Variants in BIN3 observed in about 807,000 individuals in gnomAD.
BIN3 encodes the protein bridging integrator 3.
Under a neutral mutation model 38.2 loss-of-function variants are expected in BIN3, and 41 were observed. The ratio of observed to expected loss-of-function variants is 1.07; its 90% CI spans 0.84 to 1.39. The LOEUF is 1.39. BIN3 is among the 40% of genes most tolerant of loss of function. BIN3 has a pLI of 0.00. For synonymous variants in BIN3, 145 were observed against 122.6 expected (o/e 1.18, Z -1.21); for missense variants, 361 against 324.3 (o/e 1.11, Z -0.87).
chr8:22,640,074 C>T (rs1192521472), intron 2 of BIN3, among the ~76,000 whole-genome samples: 2 of 151,910 alleles, frequency 1.3e-5, no homozygotes, highest in East Asian at 3.9e-4. Context: ...GTTGGTCAGG[C>T]TGGCCTCGAA....
intron 1 of BIN3, 102 bp downstream of exon 1, chr8:22,668,942 G>A: frequency 1.4e-6 from 2 of 1,477,670 alleles, no homozygotes; most frequent in South Asian, 1.2e-5. Flanking sequence ...GGGCGGAGGG[G>A]TCGCGCGGGA....
chr8:22,667,473 T>C (rs1803457852), intron 1 of BIN3, among the ~76,000 whole-genome samples: 1 of 152,206 alleles, frequency 6.6e-6, no homozygotes, highest in African/African-American at 2.4e-5. Context: ...TGCCTCATTT[T>C]CACTTTGAAA....
At position 22,621,525 on chromosome 8, in the gene BIN3, G is replaced by C; in HGVS notation, c.659C>G (p.Ser220Cys). 6.2e-7 allele frequency: 1 copy of C among 1,613,904 alleles called. No homozygotes were observed. The highest frequency in any genetic ancestry group is 8.5e-7 in the Non-Finnish European group (1 of 1,179,884). ...GTGGCCTGGCTGGTCAAGCTGATGG[G>C]ACAGGTCTCCAAAGATCTTGTGCAT... ...SEMHKIFGDL[S>C]HQLDQPGHSD... Residue 220 changes from serine (S) to cysteine (C), a missense_variant, in exon 9 of 9, where the codon TCC becomes TGC. Ser to Cys is a moderately radical substitution (Grantham distance 112). Transcript: ENST00000276416.
intron 2 of BIN3, among the ~76,000 whole-genome samples, chr8:22,643,558 G>A (rs1407186650): frequency 1.3e-5 from 2 of 152,212 alleles, no homozygotes; most frequent in Non-Finnish European, 2.9e-5. Flanking sequence ...ATGCCCCCAC[G>A]TTGGCCTTCC....
intron 4 of BIN3, among the ~76,000 whole-genome samples, chr8:22,633,005 A>G (rs898261303): frequency 3.3e-5 from 5 of 151,932 alleles, no homozygotes; most frequent in African/African-American, 1.2e-4. Context: ...CACTGCGCCC[A>G]GCCCAGCTGC....
chr8:22,662,193 G>C (rs1407367090), intron 1 of BIN3, among the ~76,000 whole-genome samples: 1 of 152,212 alleles, frequency 6.6e-6, no homozygotes, highest in African/African-American at 2.4e-5. Flanking sequence ...CCTGGCATGT[G>C]TCCCCTGCTG....
chr8:22,620,474 G>C lies in BIN3; in HGVS notation c.*948C>G, dbSNP rs575607726. On this transcript the variant is annotated 3_prime_UTR_variant, in exon 9 of 9. Transcript: ENST00000276416. ...AATAAACCAAAGTCAAAAACAAACT[G>C]AGAGTGTGTCCTCCACAGCTCTTCC... The C allele has an allele frequency of 5.7e-5, 7 of 122,876 alleles. No individual in the cohort carries two copies. The highest frequency in any genetic ancestry group is 1.2e-4 in the Non-Finnish European group (7 of 60,098). 7.6% of individuals were successfully genotyped at this position (122,876 alleles called of 1,614,324 possible).
At chr8:22,667,155 G>T (rs1020920236) in intron 1 of BIN3, among the ~76,000 whole-genome samples, 8 of 152,200 alleles carry the variant, frequency 5.3e-5, no homozygotes, top group African/African-American at 1.9e-4. Context: ...CCTTCTGGCT[G>T]TGACTCTCAG....
In BIN3 at chr8:22,648,136, C is replaced by CAAAA. The variant is rs55869105; in HGVS notation, c.9-3337_9-3334dup. Among the ~76,000 whole-genome samples, 92 of 102,314 alleles carry CAAAA rather than the reference C, an allele frequency of 9.0e-4. 2 individuals are homozygous for CAAAA. In the East Asian group the frequency reaches 0.015, roughly 16 times the overall value. 67.1% of individuals were successfully genotyped at this position (102,314 alleles called of 152,430 possible). On this transcript the variant is annotated intron_variant, in intron 1 of 8. Transcript: ENST00000276416. ...CGCGACAGAGTGAGACTCCGTCTCT[C>CAAAA]AAAAAAAAAAAAAAAAAAGGAAAAG... is the stretch of plus-strand genomic sequence containing the variant.
chr8:22,663,658 C>T (rs768088978), intron 1 of BIN3, among the ~76,000 whole-genome samples: 3 of 152,094 alleles, frequency 2.0e-5, no homozygotes, highest in Non-Finnish European at 4.4e-5. Context: ...TATAACGTGG[C>T]CCTGAGGTGG....
chr8:22,662,897 G>C (rs1023643468), intron 1 of BIN3, among the ~76,000 whole-genome samples: 1 of 152,202 alleles, frequency 6.6e-6, no homozygotes, highest in African/African-American at 2.4e-5. Flanking sequence ...AGCACTTTGG[G>C]AGGCCAAGAC....
At chr8:22,627,662 T>C (rs1802044960) in intron 6 of BIN3, among the ~76,000 whole-genome samples, 1 of 151,814 alleles carries the variant, frequency 6.6e-6, no homozygotes, top group Non-Finnish European at 1.5e-5. Context: ...ACCCCTCCTC[T>C]CTCCCTGCCC....
At chr8:22,658,736 C>T (rs894431448) in intron 1 of BIN3, among the ~76,000 whole-genome samples, 1 of 152,190 alleles carries the variant, frequency 6.6e-6, no homozygotes, top group Non-Finnish European at 1.5e-5. Flanking sequence ...CTGCCCCACC[C>T]CTTATCTTTC....
chr8:22,655,520 T>A (rs1803028577), intron 1 of BIN3, among the ~76,000 whole-genome samples: 1 of 152,208 alleles, frequency 6.6e-6, no homozygotes, highest in African/African-American at 2.4e-5. Context: ...CCAGCACTGT[T>A]TGTTGAAGAT....
intron 1 of BIN3, among the ~76,000 whole-genome samples, chr8:22,648,518 T>C (rs1395795747): frequency 6.6e-6 from 1 of 152,196 alleles, no homozygotes; most frequent in African/African-American, 2.4e-5. Context: ...AGACTGGAGT[T>C]ATGGCTTTTG....
At chr8:22,664,690 C>T (rs531709597) in intron 1 of BIN3, among the ~76,000 whole-genome samples, 9 of 152,362 alleles carry the variant, frequency 5.9e-5, no homozygotes, top group African/African-American at 2.2e-4. Flanking sequence ...ACTCAGGAGA[C>T]ACATTTTAGT....
rs1803525218 is a variant in BIN3, at chr8:22,669,079, G to A, written c.-28C>T. On this transcript the variant is annotated 5_prime_UTR_variant, in exon 1 of 9. Transcript: ENST00000276416. ...TCCCGAACCTGCGTCTGCCGCCGGG[G>A]TCCTCAGCCACAACTCGTTTCTCTA... 5 of 1,590,456 alleles carry A rather than the reference G, an allele frequency of 3.1e-6. No individual in the cohort carries two copies. The highest frequency in any genetic ancestry group is 1.8e-5 in the Admixed American group (1 of 56,746).
chr8:22,667,395 T>C (rs1803455473), intron 1 of BIN3, among the ~76,000 whole-genome samples: 1 of 152,240 alleles, frequency 6.6e-6, no homozygotes, highest in Non-Finnish European at 1.5e-5. Flanking sequence ...TGCTGTGCTC[T>C]TCTCCCAACT....
At chr8:22,645,829 G>A (rs964435237) in intron 1 of BIN3, among the ~76,000 whole-genome samples, 1 of 152,120 alleles carries the variant, frequency 6.6e-6, no homozygotes, top group African/African-American at 2.4e-5. Flanking sequence ...AATAACAGAG[G>A]CATTAGTGAT....
Sources: allele counts gnomAD v4.1 joint callset (sites outside exome capture counted in the v4.1 genomes callset), GRCh38; gene constraint gnomAD v4.1.1; transcripts MANE v1.5; gene names NCBI Gene and HGNC (gene_info 2026-07-23, HGNC 2026-07-21).